The following RAI14 variants were observed in gnomAD, a reference collection of about 807,000 sequenced individuals.
RAI14 encodes ankycorbin.
RAI14 carries 45 observed loss-of-function variants against 115.4 expected under a neutral mutation model. That is an observed-to-expected ratio of 0.39 (90% confidence interval 0.31 to 0.50). The LOEUF (loss-of-function observed/expected upper bound fraction) is 0.50, where lower values mean the gene tolerates loss of function less well. RAI14 is among the 20% of genes least tolerant of loss of function. The pLI is 0.85. For synonymous variants in RAI14, 371 were observed against 415.4 expected, an observed-to-expected ratio of 0.89 and a Z score of 1.30; for missense variants, 939 against 1,131.2, an observed-to-expected ratio of 0.83 and a Z score of 2.44.
intron 3 of RAI14, among the ~76,000 whole-genome samples, chr5:34,758,581 C>T (rs977774543): frequency 1.3e-5 from 2 of 152,112 alleles, no homozygotes; most frequent in African/African-American, 4.8e-5. Flanking sequence ...TTCTGGGAAT[C>T]TGTTTAGACC....
intron 3 of RAI14, among the ~76,000 whole-genome samples, chr5:34,777,241 A>G (rs543481943): frequency 6.6e-6 from 1 of 152,322 alleles, no homozygotes; most frequent in South Asian, 2.1e-4. Flanking sequence ...TACAATTCAC[A>G]ATAGCAAAGA....
chr5:34,659,160 ATGTG>A (rs1296838281), intron 1 of RAI14: 2 of 152,352 alleles, frequency 1.3e-5, no homozygotes, highest in African/African-American at 4.8e-5. Context: ...TTTGAGATAC[ATGTG>A]TTAATAGATC....
Position 34,701,439 on chromosome 5 carries a change from T to A in RAI14, c.36+14484T>A, listed in dbSNP as rs577021621. Reference sequence around the variant, plus strand: ...TGAATAGGAAACATGTGTCATCTGTTCCCTCTAAGGACAGCCACTGTAAGA... The same window carrying A: ...TGAATAGGAAACATGTGTCATCTGTACCCTCTAAGGACAGCCACTGTAAGA... On this transcript the variant is annotated intron_variant, in intron 2 of 17. Coordinates refer to ENST00000265109, the MANE Select transcript of RAI14 (RefSeq NM_015577.3). Among the ~76,000 whole-genome samples the A allele has an allele frequency of 1.6e-3, 247 of 152,280 alleles. 1 individual carries two copies. The highest frequency in any genetic ancestry group is 2.8e-3 in the Non-Finnish European group (191 of 68,018).
chr5:34,747,824 C>CAGTG (rs1391577160), intron 2 of RAI14, among the ~76,000 whole-genome samples: 1 of 152,212 alleles, frequency 6.6e-6, no homozygotes, highest in African/African-American at 2.4e-5. Flanking sequence ...ATCCAGTGGG[C>CAGTG]AGTGGGCAAG....
At chr5:34,721,637 A>G (rs1742767379) in intron 2 of RAI14, among the ~76,000 whole-genome samples, 1 of 152,044 alleles carries the variant, frequency 6.6e-6, no homozygotes, top group Admixed American at 6.6e-5. Context: ...GCTTGGACTT[A>G]GGGCTTTTAT....
At chr5:34,782,617 A>T (rs190967861) in intron 3 of RAI14, among the ~76,000 whole-genome samples, 5 of 152,206 alleles carry the variant, frequency 3.3e-5, no homozygotes, top group Non-Finnish European at 7.4e-5. Context: ...CCAAAATTTG[A>T]TCTTATTAAC....
At chr5:34,748,955 A>G (rs2150067564) in intron 2 of RAI14, among the ~76,000 whole-genome samples, 1 of 152,294 alleles carries the variant, frequency 6.6e-6, no homozygotes, top group East Asian at 1.9e-4. Context: ...ATTACCCTGC[A>G]CCTAGTAGAT....
In RAI14 at chr5:34,660,386, C is replaced by T. The variant is rs1196507373; in HGVS notation, c.-49+3911C>T. Among the ~76,000 whole-genome samples, 3 of 152,030 alleles carry T rather than the reference C, an allele frequency of 2.0e-5. No homozygotes were observed. The East Asian group carries it at 5.8e-4, about 29-fold the overall frequency. ...GGTGGAGGTTGCAGTGAGCCGAGAT[C>T]CCACCGGCCATTGTACTCCAGCCTG... On this transcript the variant is annotated intron_variant, in intron 1 of 17. Transcript: ENST00000265109.
At chr5:34,749,788 A>G (rs1037617531) in intron 2 of RAI14, among the ~76,000 whole-genome samples, 1 of 152,200 alleles carries the variant, frequency 6.6e-6, no homozygotes. Context: ...AGCATAACAT[A>G]TGGCTTCCTG....
Position 34,665,113 on chromosome 5 carries a change from A to G in RAI14, c.-49+8638A>G, listed in dbSNP as rs867283039. Among the ~76,000 whole-genome samples, 9 of 13,158 alleles carry G rather than the reference A, an allele frequency of 6.8e-4. 2 individuals are homozygous for G. Among genetic ancestry groups the G allele is most frequent in the African/African-American group, 1.9e-3 (9 of 4,792 alleles). The allele number at this position is 13,158 out of a possible 152,430, so 8.6% of individuals were successfully genotyped here. A position where few individuals can be genotyped will look rare whatever the true frequency, so the allele number is the denominator to read the frequency against. On this transcript the variant is annotated intron_variant, in intron 1 of 17. Transcript: ENST00000265109. The stretch of plus-strand genomic sequence containing the variant: ...TATGTGTATATATATGTGTATATAT[A>G]TGTGTATATATGTATGTGTATATAT...
chr5:34,681,217 A>G (rs1378290018), intron 1 of RAI14, among the ~76,000 whole-genome samples: 1 of 152,216 alleles, frequency 6.6e-6, no homozygotes, highest in African/African-American at 2.4e-5. Context: ...ATGTTTATAT[A>G]GCTTTGGTTA....
At chr5:34,685,727 T>C (rs1744797248) in intron 1 of RAI14, 1 of 152,176 alleles carries the variant, frequency 6.6e-6, no homozygotes, top group South Asian at 2.1e-4. Context: ...ATGAGGCACT[T>C]AGACTAGATG....
chr5:34,692,623 T>A (rs888060239), intron 2 of RAI14, among the ~76,000 whole-genome samples: 2 of 151,884 alleles, frequency 1.3e-5, no homozygotes, highest in African/African-American at 4.8e-5. Flanking sequence ...TTTTTTTTTT[T>A]AATAGACATA....
intron 7 of RAI14, among the ~76,000 whole-genome samples, chr5:34,809,592 C>G (rs114204479): frequency 0.01 from 1,527 of 148,726 alleles, 30 homozygotes; most frequent in Middle Eastern, 0.032. Context: ...TAAATGAGCT[C>G]TGGCAGAGAG....
At chr5:34,659,614 A>G (rs1422849079) in intron 1 of RAI14, among the ~76,000 whole-genome samples, 2 of 151,842 alleles carry the variant, frequency 1.3e-5, no homozygotes, top group Non-Finnish European at 1.5e-5. Flanking sequence ...TTTCATTTTT[A>G]TTTTTATTTC....
chr5:34,771,781 AT>A (rs1461484773), intron 3 of RAI14, among the ~76,000 whole-genome samples: 1 of 152,174 alleles, frequency 6.6e-6, no homozygotes, highest in Non-Finnish European at 1.5e-5. Flanking sequence ...GGCAACCCTA[AT>A]CTGTCCCACT....
At chr5:34,666,295 C>T (rs1383791246) in intron 1 of RAI14, among the ~76,000 whole-genome samples, 1 of 151,760 alleles carries the variant, frequency 6.6e-6, no homozygotes, top group African/African-American at 2.4e-5. Flanking sequence ...GATGTCCCGG[C>T]CCCCCGACAG....
At chr5:34,658,185 A>G (rs1742429273) in intron 1 of RAI14, among the ~76,000 whole-genome samples, 1 of 152,156 alleles carries the variant, frequency 6.6e-6, no homozygotes, top group South Asian at 2.1e-4. Flanking sequence ...CTGCTGGAAA[A>G]TCTTATTACT....
chr5:34,754,645 T>A (rs920244179), intron 2 of RAI14, among the ~76,000 whole-genome samples: 1 of 152,190 alleles, frequency 6.6e-6, no homozygotes, highest in Middle Eastern at 3.2e-3. Context: ...AGCCATGTTC[T>A]CTTCATCTGC....
Sources: gnomAD v4.1 joint callset for allele counts (sites outside exome capture counted in the v4.1 genomes callset) on GRCh38, gnomAD v4.1.1 for gene constraint, MANE v1.5 for transcripts, NCBI Gene and HGNC (gene_info 2026-07-23, HGNC 2026-07-21) for gene names.